Variants in UBOX5 observed in about 807,000 individuals in gnomAD.
The protein encoded by UBOX5 is U-box domain containing 5.
A neutral mutation model predicts 39.0 loss-of-function variants in UBOX5; 28 were observed. That is an observed-to-expected ratio of 0.72 (90% CI 0.53 to 0.98). UBOX5 has a LOEUF of 0.98. Among genes scored for constraint, UBOX5 ranks in the 50% least tolerant of loss-of-function variants. UBOX5 has a pLI of 0.00. For missense variants in UBOX5, 585 were observed against 674.4 expected (o/e 0.87, Z 1.47); for synonymous variants, 283 against 275.5 (o/e 1.03, Z -0.27).
chr20:3,157,859 G>C (rs958483123), intron 1 of UBOX5, among the ~76,000 whole-genome samples: 1 of 152,052 alleles, frequency 6.6e-6, no homozygotes, highest in African/African-American at 2.4e-5. Context: ...AGGCTGTATA[G>C]TACATACTTC....
At chr20:3,139,835 G>A (rs1408989963) in intron 1 of UBOX5, among the ~76,000 whole-genome samples, 2 of 151,732 alleles carry the variant, frequency 1.3e-5, no homozygotes, top group Non-Finnish European at 2.9e-5. Context: ...TCAGCCTCCT[G>A]AGTAACTGGT....
At chr20:3,126,722 T>C (rs900938240) in intron 1 of UBOX5, among the ~76,000 whole-genome samples, 1 of 150,510 alleles carries the variant, frequency 6.6e-6, no homozygotes, top group African/African-American at 2.4e-5. Context: ...AAGAAAATAT[T>C]AGGGTTGGAA....
chr20:3,122,490 G>C lies in UBOX5; in HGVS notation c.149C>G (p.Pro50Arg). The C allele has an allele frequency of 1.9e-6, 3 of 1,614,114 alleles. No homozygotes were observed. Among genetic ancestry groups the C allele is most frequent in the Non-Finnish European group, 2.5e-6 (3 of 1,179,998 alleles). ...GFRTEYFIKP[P>R]VYVTVSFPFN... is the part of the protein sequence containing the mutation. ...GGGAAATGAAACTGTCACATAGACT[G>C]GTGGCTTAATGAAATACTCTGTCCT... Residue 50 changes from proline (P) to arginine (R), a missense_variant, in exon 3 of 5, where the codon CCA becomes CGA. Coordinates refer to ENST00000217173, the MANE Select transcript of UBOX5 (RefSeq NM_014948.4).
rs1316894123 is a variant in UBOX5, at chr20:3,121,564, G to C, written c.1075C>G (p.Leu359Val). 1.2e-6 allele frequency: 2 copies of C among 1,607,666 alleles called. No homozygotes were observed. The highest frequency in any genetic ancestry group is 1.1e-5 in the South Asian group (1 of 90,404). The change falls in exon 3 of 5, where the codon CTG becomes GTG. Residue 359 changes from leucine (L) to valine (V), a missense_variant. Physicochemically the swap from Leu to Val is conservative, Grantham distance 32. Transcript: ENST00000217173. ...TCTATCTTCCTTTTCTGAGAGGGCA[G>C]AACAATGGAAGAAGGGATCACTGCC... ...ALAVIPSSIV[L>V]PSQKRKIEQA...
intron 3 of UBOX5, among the ~76,000 whole-genome samples, chr20:3,119,805 GATTGCGCC>G (rs2066320375): frequency 6.6e-6 from 1 of 151,930 alleles, no homozygotes; most frequent in Non-Finnish European, 1.5e-5. Flanking sequence ...AGTGAGACGA[GATTGCGCC>G]ATTGCACTCC....
intron 1 of UBOX5, among the ~76,000 whole-genome samples, chr20:3,131,816 C>T (rs1438953401): frequency 2.0e-5 from 3 of 151,676 alleles, no homozygotes; most frequent in Non-Finnish European, 4.4e-5. Flanking sequence ...CGAGATCAGC[C>T]TGGTCAACAT....
intron 1 of UBOX5, among the ~76,000 whole-genome samples, chr20:3,156,384 G>C (rs1270101725): frequency 1.3e-5 from 2 of 151,926 alleles, no homozygotes; most frequent in Admixed American, 6.6e-5. Flanking sequence ...TTGCCATGTT[G>C]GTCAGGCTGG....
chr20:3,153,318 A>G (rs1213726971), intron 1 of UBOX5, among the ~76,000 whole-genome samples: 2 of 152,250 alleles, frequency 1.3e-5, no homozygotes, highest in Non-Finnish European at 2.9e-5. Flanking sequence ...AAGATCCAAG[A>G]TGGAAATAAC....
rs766244473 is a variant in UBOX5, at chr20:3,149,405, A to G, written c.-42+10361T>C. Reference sequence around the variant, plus strand: ...AAATGCCCAAACCACATGACAGCATATATCAAGGATAAATTCTGCGGTCTG... The same window carrying G: ...AAATGCCCAAACCACATGACAGCATGTATCAAGGATAAATTCTGCGGTCTG... On this transcript the variant is annotated intron_variant, in intron 1 of 4. Transcript: ENST00000217173. The surrounding 1 kb of genome is among the most constrained non-coding windows in gnomAD (Gnocchi z 4.1). 6.0e-5 allele frequency: 17 copies of G among 283,470 alleles called. No homozygotes were observed. The highest frequency in any genetic ancestry group is 1.1e-4 in the Non-Finnish European group (17 of 151,572). 17.6% of individuals were successfully genotyped at this position (283,470 alleles called of 1,614,324 possible). A position where few individuals can be genotyped will look rare whatever the true frequency, so the allele number is the denominator to read the frequency against.
At position 3,109,330 on chromosome 20, in the gene UBOX5, A is replaced by G. The variant is rs933208166; in HGVS notation, c.*776T>C. On this transcript the variant is annotated 3_prime_UTR_variant, in exon 5 of 5. Transcript: ENST00000217173. ...GGAAACGCTGCGCTCCCCCTCAGGG[A>G]GCAGTTTCTGAAGCCAGCTGAGCAC... 9.9e-5 allele frequency: 15 copies of G among 152,234 alleles called. No homozygotes were observed. Among genetic ancestry groups the G allele is most frequent in the Non-Finnish European group, 5.9e-5 (4 of 68,044 alleles). The allele number at this position is 152,234 out of a possible 1,614,324, so 9.4% of individuals were successfully genotyped here. A position where few individuals can be genotyped will look rare whatever the true frequency, so the allele number is the denominator to read the frequency against.
intron 1 of UBOX5, among the ~76,000 whole-genome samples, chr20:3,123,839 G>A (rs1368557974): frequency 6.6e-6 from 1 of 152,198 alleles, no homozygotes; most frequent in Non-Finnish European, 1.5e-5. Flanking sequence ...ATGCAATTAT[G>A]TTTTCTTATT....
intron 1 of UBOX5, among the ~76,000 whole-genome samples, chr20:3,141,336 C>G (rs997040748): frequency 6.6e-6 from 1 of 152,082 alleles, no homozygotes; most frequent in African/African-American, 2.4e-5. Context: ...ATTGAACAAT[C>G]AGCAAACTAG....
intron 1 of UBOX5, among the ~76,000 whole-genome samples, chr20:3,135,631 G>A (rs1044322792): frequency 6.6e-6 from 1 of 151,636 alleles, no homozygotes; most frequent in African/African-American, 2.4e-5. Flanking sequence ...TAAAAATTAA[G>A]TAGAATAGAA....
intron 1 of UBOX5, among the ~76,000 whole-genome samples, chr20:3,158,580 C>T (rs375707042): frequency 2.5e-4 from 38 of 152,234 alleles, no homozygotes; most frequent in African/African-American, 8.2e-4. Context: ...GTTCACGCCA[C>T]GCTCCTGCCT....
intron 1 of UBOX5, among the ~76,000 whole-genome samples, chr20:3,153,368 GAGCCTTGTAA>G (rs1233452590): frequency 6.6e-5 from 10 of 152,234 alleles, no homozygotes; most frequent in African/African-American, 2.4e-4. Context: ...CCAAGGCTTA[GAGCCTTGTAA>G]AGCTGCTTTA....
intron 1 of UBOX5, among the ~76,000 whole-genome samples, chr20:3,136,925 G>A (rs1172256755): frequency 3.3e-5 from 5 of 151,918 alleles, no homozygotes; most frequent in Non-Finnish European, 7.4e-5. Context: ...AAAGTGCTGG[G>A]TTTACAGGCG....
chr20:3,151,888 T>G (rs2066628912), intron 1 of UBOX5: 2 of 151,338 alleles, frequency 1.3e-5, no homozygotes, highest in African/African-American at 4.8e-5. Flanking sequence ...GCAGATCACT[T>G]GAGGTCAGGA....
intron 1 of UBOX5, among the ~76,000 whole-genome samples, chr20:3,151,147 C>T (rs1361480894): frequency 6.6e-6 from 1 of 152,070 alleles, no homozygotes; most frequent in African/African-American, 2.4e-5. Flanking sequence ...AAGTGATCCT[C>T]CTACCCTGGC....
chr20:3,148,725 G>A (rs140510914), intron 1 of UBOX5: 106 of 1,614,078 alleles, frequency 6.6e-5, no homozygotes, highest in Non-Finnish European at 8.4e-5. Context: ...AGGAAAACTC[G>A]CATGTTTTCA....
Sources: gnomAD v4.1 joint callset for allele counts (sites outside exome capture counted in the v4.1 genomes callset) on GRCh38, gnomAD v4.1.1 for gene constraint, Gnocchi (gnomAD v3.1) non-coding constraint, MANE v1.5 for transcripts, NCBI Gene and HGNC (gene_info 2026-07-23, HGNC 2026-07-21) for gene names.